The following AXIN1 variants were observed in gnomAD, a reference collection of about 807,000 sequenced individuals.
AXIN1 encodes axin-1.
In AXIN1, 30 loss-of-function variants were observed where a neutral mutation model predicts 76.4. The observed-to-expected ratio is 0.39, with a 90% CI of 0.29 to 0.53. AXIN1 has a LOEUF of 0.53. Among genes scored for constraint, AXIN1 ranks in the 20% least tolerant of loss-of-function variants. AXIN1 has a pLI of 0.66. For synonymous variants in AXIN1, 545 were observed against 501.4 expected (o/e 1.09, Z -1.16); for missense variants, 1,140 against 1,198.8 (o/e 0.95, Z 0.72).
chr16:317,679 T>C (rs987965369), intron 2 of AXIN1, among the ~76,000 whole-genome samples: 13 of 152,356 alleles, frequency 8.5e-5, no homozygotes, highest in African/African-American at 2.4e-4. Flanking sequence ...GTACCTGACA[T>C]AGAGCAGATA....
intron 7 of AXIN1, among the ~76,000 whole-genome samples, chr16:294,046 T>C (rs1384089816): frequency 1.3e-5 from 2 of 152,104 alleles, no homozygotes; most frequent in African/African-American, 2.4e-5. Context: ...CTGTCATCCC[T>C]GCTACTCTGG....
At chr16:339,455 G>C (rs540664058) in intron 2 of AXIN1, among the ~76,000 whole-genome samples, 1 of 148,942 alleles carries the variant, frequency 6.7e-6, no homozygotes, top group East Asian at 2.0e-4. Flanking sequence ...AGCTTGCAGT[G>C]AGCCAAGATT....
intron 6 of AXIN1, among the ~76,000 whole-genome samples, 189 bp from the exon 7 acceptor site, chr16:297,415 C>T (rs2052743730): frequency 6.6e-6 from 1 of 152,056 alleles, no homozygotes; most frequent in African/African-American, 2.4e-5. Context: ...GTCCCCTGCC[C>T]GCTGTCCTGG....
intron 2 of AXIN1, among the ~76,000 whole-genome samples, chr16:320,654 T>C (rs2053419377): frequency 6.6e-6 from 1 of 150,636 alleles, no homozygotes; most frequent in African/African-American, 2.4e-5. Context: ...AAAACAAATA[T>C]ATATGTATAT....
rs1355355336 is a variant in AXIN1 at position 293,240 on chromosome 16, C to T, written c.2186+248G>A. 6 of 571,146 alleles carry T rather than the reference C, an allele frequency of 1.1e-5. No homozygotes were observed. The highest frequency in any genetic ancestry group is 5.8e-5 in the East Asian group (2 of 34,534). The allele number at this position is 571,146 out of a possible 1,614,324, so 35.4% of individuals were successfully genotyped here. A position where few individuals can be genotyped will look rare whatever the true frequency, so the allele number is the denominator to read the frequency against. ...CTGGGCTCAGGTTGAGGAGGGACCC[C>T]GCCTCCAGAGCAATGAGCGCGGCGG... is the stretch of plus-strand genomic sequence containing the variant. On this transcript the variant is annotated intron_variant, in intron 8 of 10. Coordinates refer to ENST00000262320, the MANE Select transcript of AXIN1 (RefSeq NM_003502.4). This position sits in a 1 kb window ranked among gnomAD's most constrained non-coding sequence, Gnocchi z 4.6.
chr16:315,228 C>T (rs915326661), intron 2 of AXIN1, among the ~76,000 whole-genome samples: 63 of 152,218 alleles, frequency 4.1e-4, no homozygotes, highest in African/African-American at 1.5e-3. Context: ...GGACGATTCA[C>T]CTCCTCTTGT....
Position 346,869 on chromosome 16 carries a change from T to C in AXIN1, c.157A>G (p.Lys53Glu). 6.2e-7 allele frequency: 1 copy of C among 1,613,774 alleles called. No individual in the cohort carries two copies. Among genetic ancestry groups the C allele is most frequent in the Non-Finnish European group, 8.5e-7 (1 of 1,179,626 alleles). Residue 53 changes from lysine to glutamate, a missense_variant, in exon 2 of 11, where the codon AAA becomes GAA. Around this residue, in one of 3 missense-constraint regions of AXIN1, gnomAD observed 708 missense variants for 776.9 expected, o/e 0.91. Transcript: ENST00000262320. ...SFCSGKGVGI[K>E]GETSTATPRR... is the part of the protein sequence containing the mutation. ...GGAGTGGCCGTCGAAGTCTCACCTT[T>C]AATGCCAACACCTTTCCCGGAGCAG...
Position 314,655 on chromosome 16 carries a change from G to C in AXIN1, c.907C>G (p.Pro303Ala), listed in dbSNP as rs1470844786. The change falls in exon 3 of 11, where the codon CCC becomes GCC. Residue 303 changes from proline (P) to alanine (A), a missense_variant. Coordinates refer to ENST00000262320, the MANE Select transcript of AXIN1 (RefSeq NM_003502.4). ...GCATAGCCGGCATTGACATAATAGG[G>C]GTTGACTGGCTCCCGCCAGGATCCA... ...RYGSWREPVN[P>A]YYVNAGYALA... is the part of the protein sequence containing the mutation. The C allele has an allele frequency of 2.5e-6, 4 of 1,613,808 alleles. No homozygotes were observed. The African/African-American group carries it at 5.3e-5, about 22-fold the overall frequency.
At chr16:320,499 G>C (rs1347101785) in intron 2 of AXIN1, among the ~76,000 whole-genome samples, 1 of 152,046 alleles carries the variant, frequency 6.6e-6, no homozygotes, top group African/African-American at 2.4e-5. Flanking sequence ...CGCTGTGATG[G>C]TTTCATGGAG....
chr16:287,883 G>A lies in AXIN1; in HGVS notation c.*239C>T, dbSNP rs2052427274. ...GACCTCGGCTGCCTCACTTGGGCTG[G>A]GCCCTCCAAGTATTGCTATGAGGAG... is the stretch of plus-strand genomic sequence containing the variant. On this transcript the variant is annotated 3_prime_UTR_variant, in exon 11 of 11. Coordinates refer to ENST00000262320, the MANE Select transcript of AXIN1 (RefSeq NM_003502.4). 3.2e-6 allele frequency: 2 copies of A among 628,740 alleles called. No homozygotes were observed. Among genetic ancestry groups the A allele is most frequent in the Admixed American group, 2.8e-5 (1 of 35,704 alleles). 38.9% of individuals were successfully genotyped at this position (628,740 alleles called of 1,614,324 possible).
chr16:288,799 AG>A (rs2052467067), intron 10 of AXIN1, among the ~76,000 whole-genome samples: 1 of 152,214 alleles, frequency 6.6e-6, no homozygotes, highest in African/African-American at 2.4e-5. Context: ...GAACCTTGGT[AG>A]GAGGGGGCTT....
chr16:309,958 A>G lies in AXIN1; in HGVS notation c.1116+15T>C. 6.2e-7 allele frequency: 1 copy of G among 1,612,668 alleles called. No homozygotes were observed. Among genetic ancestry groups the G allele is most frequent in the Non-Finnish European group, 8.5e-7 (1 of 1,179,520 alleles). ...GGGAGGACGATGGGCTGAGGACCGC[A>G]AAGCCGGTACTTACGGGAATGTGAG... On this transcript the variant is annotated intron_variant, in intron 4 of 10. Transcript: ENST00000262320.
Position 297,294 on chromosome 16 carries a change from C to T in AXIN1, c.1785-68G>A, listed in dbSNP as rs557920160. ...CGAGGCTGTGCCCCTTCCTCGTCTG[C>T]GAGGCCCCCTCCTGGCATCTGTAAG... On this transcript the variant is annotated intron_variant, in intron 6 of 10. Transcript: ENST00000262320. 1.3e-5 allele frequency: 21 copies of T among 1,587,758 alleles called. No individual in the cohort carries two copies. In the East Asian group the frequency reaches 2.2e-4, roughly 17 times the overall value.
chr16:326,028 C>T (rs975493692), intron 2 of AXIN1, among the ~76,000 whole-genome samples: 5 of 152,096 alleles, frequency 3.3e-5, no homozygotes, highest in African/African-American at 1.2e-4. Flanking sequence ...CAACTGGCCC[C>T]CATTCATGCA....
chr16:296,196 G>A (rs1330209863), intron 7 of AXIN1, among the ~76,000 whole-genome samples: 2 of 152,272 alleles, frequency 1.3e-5, no homozygotes, highest in Non-Finnish European at 2.9e-5. Flanking sequence ...CACCGATGGG[G>A]ACCCCAAGGC....
intron 2 of AXIN1, among the ~76,000 whole-genome samples, chr16:335,694 C>T (rs887648515): frequency 6.6e-6 from 1 of 151,958 alleles, no homozygotes; most frequent in Non-Finnish European, 1.5e-5. Context: ...AGCTCCAAGG[C>T]ACCCAGTACC....
rs187878693 is a variant in AXIN1 at position 337,297 on chromosome 16, T to C, written c.878+8851A>G. Among the ~76,000 whole-genome samples, 742 of 151,462 alleles carry C rather than the reference T, an allele frequency of 4.9e-3. 6 individuals carry two copies. The highest frequency in any genetic ancestry group is 0.017 in the African/African-American group (706 of 41,400). On this transcript the variant is annotated intron_variant, in intron 2 of 10. Coordinates refer to ENST00000262320, the MANE Select transcript of AXIN1 (RefSeq NM_003502.4). Reference sequence around the variant, plus strand: ...TTATAAACATGCTGTTATAGGAATTTGGAAAATACAGAAAAACAAAGAAAA... The same window carrying C: ...TTATAAACATGCTGTTATAGGAATTCGGAAAATACAGAAAAACAAAGAAAA...
At chr16:330,398 C>T (rs547532403) in intron 2 of AXIN1, among the ~76,000 whole-genome samples, 1 of 152,328 alleles carries the variant, frequency 6.6e-6, no homozygotes, top group Admixed American at 6.5e-5. Context: ...TGACAACAAT[C>T]TGTCTTTGCA....
At chr16:296,873 G>A (rs922879563) in intron 7 of AXIN1, among the ~76,000 whole-genome samples, 183 bp downstream of exon 7, 1 of 152,130 alleles carries the variant, frequency 6.6e-6, no homozygotes, top group African/African-American at 2.4e-5. Context: ...TTTTCCTCCT[G>A]GAGACGTGGG....
Sources: gnomAD v4.1 joint callset for allele counts (sites outside exome capture counted in the v4.1 genomes callset) on GRCh38, gnomAD v4.1.1 for gene constraint, gnomAD v4.1.1 regional missense constraint, Gnocchi (gnomAD v3.1) non-coding constraint, MANE v1.5 for transcripts, NCBI Gene and HGNC (gene_info 2026-07-23, HGNC 2026-07-21) for gene names.